MCPH1: variants seen among roughly 807,000 people sequenced by gnomAD.
MCPH1 encodes the protein microcephalin.
MCPH1 carries 104 observed loss-of-function variants against 84.5 expected under a neutral mutation model. That is an observed-to-expected ratio of 1.23 (90% CI 1.05 to 1.45). MCPH1 has a LOEUF of 1.45. Ranked by LOEUF, MCPH1 falls within the 40% of genes most tolerant of loss-of-function variation. The probability of loss-of-function intolerance (pLI) is 0.00; values close to 1 mark genes in which losing one functional copy is unlikely to be tolerated. For synonymous variants in MCPH1, 514 were observed against 366.8 expected (o/e 1.40, Z -4.58); for missense variants, 1,498 against 1,005.7 (o/e 1.49, Z -6.62).
In MCPH1 at chr8:6,605,946, C is replaced by G. The variant is rs113130527; in HGVS notation, c.2215-15508C>G. 8.8e-4 allele frequency among the ~76,000 whole-genome samples: 134 copies of G among 152,318 alleles called. 1 individual carries two copies. The highest frequency in any genetic ancestry group is 2.9e-3 in the African/African-American group (121 of 41,560). ...GCCTGACCTCAAGTGATCTACCCCC[C>G]TTGGCCCCCCAGAATGCTGGGATTA... On this transcript the variant is annotated intron_variant, in intron 12 of 13. Coordinates refer to ENST00000344683, the MANE Select transcript of MCPH1 (RefSeq NM_024596.5).
intron 12 of MCPH1, among the ~76,000 whole-genome samples, chr8:6,575,073 A>C (rs1826959250): frequency 6.6e-6 from 1 of 152,122 alleles, no homozygotes; most frequent in Admixed American, 6.5e-5. Flanking sequence ...GCAGAGAGGC[A>C]ATGCATGCAG....
chr8:6,518,129 C>T (rs991449811), intron 12 of MCPH1, among the ~76,000 whole-genome samples: 2 of 152,272 alleles, frequency 1.3e-5, no homozygotes, highest in South Asian at 2.1e-4. Context: ...TGCACTTAGA[C>T]TGAGAAACAT....
intron 8 of MCPH1, chr8:6,447,165 AC>A (rs1227378098): frequency 3.0e-6 from 3 of 985,206 alleles, no homozygotes; most frequent in Non-Finnish European, 3.6e-6. Flanking sequence ...CCTAAATCGA[AC>A]CCTTTTATAG....
Position 6,624,925 on chromosome 8 carries a change from G to C in MCPH1, c.2452+3234G>C, listed in dbSNP as rs1831906164. The C allele has an allele frequency of 8.8e-6, 8 of 908,598 alleles. No individual in the cohort carries two copies. In the South Asian group the frequency reaches 3.1e-4, roughly 35 times the overall value. 56.3% of individuals were successfully genotyped at this position (908,598 alleles called of 1,614,324 possible). A position where few individuals can be genotyped will look rare whatever the true frequency, so the allele number is the denominator to read the frequency against. ...AGTCTCGCTGTGTCACCAGGCTGGA[G>C]TGTGCAGTGATGAGATCTCAGCTCA... On this transcript the variant is annotated intron_variant, in intron 13 of 13. Coordinates refer to ENST00000344683, the MANE Select transcript of MCPH1 (RefSeq NM_024596.5).
At chr8:6,409,774 A>T (rs1798278446) in intron 2 of MCPH1, among the ~76,000 whole-genome samples, 1 of 152,156 alleles carries the variant, frequency 6.6e-6, no homozygotes, top group Non-Finnish European at 1.5e-5. Context: ...ATGATGATCT[A>T]GGGGGTCAGG....
chr8:6,523,229 C>G (rs1817701061), intron 12 of MCPH1, among the ~76,000 whole-genome samples: 1 of 152,120 alleles, frequency 6.6e-6, no homozygotes, highest in Admixed American at 6.5e-5. Flanking sequence ...GATCTCCTGA[C>G]CTCGTGATCC....
chr8:6,602,531 C>T (rs1026668064), intron 12 of MCPH1, among the ~76,000 whole-genome samples: 1 of 151,982 alleles, frequency 6.6e-6, no homozygotes, highest in African/African-American at 2.4e-5. Context: ...GGCTGAGTGG[C>T]GGCGGCTGGG....
At position 6,406,636 on chromosome 8, in the gene MCPH1, G is replaced by A. The variant is rs1308690159; in HGVS notation, c.-32G>A. 1.2e-6 allele frequency: 2 copies of A among 1,610,332 alleles called. No homozygotes were observed. Among genetic ancestry groups the A allele is most frequent in the African/African-American group, 1.3e-5 (1 of 75,004 alleles). On this transcript the variant is annotated 5_prime_UTR_variant, in exon 1 of 14. Transcript: ENST00000344683. ...GCGCCGCCAGGCTCGCAAGCACCGC[G>A]TAGGCCAGCTGGCCGGATCCCGCCG...
At chr8:6,514,580 T>C (rs1332425503) in intron 12 of MCPH1, 3 of 1,033,272 alleles carry the variant, frequency 2.9e-6, no homozygotes, top group Non-Finnish European at 3.0e-6. Flanking sequence ...TCAAAAGTCA[T>C]TGGTTAGTTT....
rs17076838 is a variant in MCPH1, at chr8:6,429,301, T to A, written c.234-2198T>A. Among the ~76,000 whole-genome samples, 23 of 152,300 alleles carry A rather than the reference T, an allele frequency of 1.5e-4. 1 individual carries two copies. In the East Asian group the frequency reaches 4.4e-3, roughly 29 times the overall value. On this transcript the variant is annotated intron_variant, in intron 3 of 13. Transcript: ENST00000344683. Reference sequence around the variant, plus strand: ...TCCACTTATGTGAACATGGACCCAGTGCCCCCATTGGACACAGGGTGGCAG... The same window carrying A: ...TCCACTTATGTGAACATGGACCCAGAGCCCCCATTGGACACAGGGTGGCAG...
intron 12 of MCPH1, among the ~76,000 whole-genome samples, chr8:6,509,829 C>A (rs1279515922): frequency 6.6e-6 from 1 of 152,198 alleles, no homozygotes; most frequent in African/African-American, 2.4e-5. Flanking sequence ...CACAGTCAGA[C>A]AGAGCCATTT....
intron 12 of MCPH1, among the ~76,000 whole-genome samples, chr8:6,547,537 C>T (rs1454722506): frequency 6.6e-6 from 1 of 152,204 alleles, no homozygotes; most frequent in Non-Finnish European, 1.5e-5. Context: ...AGAGATGTTT[C>T]TCTGTTTATC....
chr8:6,592,289 C>G (rs1828520723), intron 12 of MCPH1, among the ~76,000 whole-genome samples: 1 of 151,928 alleles, frequency 6.6e-6, no homozygotes, highest in African/African-American at 2.4e-5. Flanking sequence ...GTAGCTGGGA[C>G]TACACGTGCG....
At chr8:6,570,881 C>A (rs2442551) in intron 12 of MCPH1, among the ~76,000 whole-genome samples, 124,860 of 149,128 alleles carry the variant, frequency 0.84, 53,751 homozygotes, top group Non-Finnish European at 0.93. Flanking sequence ...GCAAACCAGC[C>A]TAACATCTGC....
At position 6,609,841 on chromosome 8, in the gene MCPH1, G is replaced by T. The variant is rs550206638; in HGVS notation, c.2215-11613G>T. Reference sequence around the variant, plus strand: ...CCCGCCCCCCCCCCACACACAGACTGCCAGGTAAACCACAGAGGGTGAGGG... The same window carrying T: ...CCCGCCCCCCCCCCACACACAGACTTCCAGGTAAACCACAGAGGGTGAGGG... On this transcript the variant is annotated intron_variant, in intron 12 of 13. Transcript: ENST00000344683. 1.4e-4 allele frequency among the ~76,000 whole-genome samples: 15 copies of T among 110,642 alleles called. No homozygotes were observed. In the East Asian group the frequency reaches 4.1e-3, roughly 30 times the overall value. 72.6% of individuals were successfully genotyped at this position (110,642 alleles called of 152,430 possible).
At chr8:6,527,873 CT>C in intron 12 of MCPH1, among the ~76,000 whole-genome samples, 1 of 146,048 alleles carries the variant, frequency 6.8e-6, no homozygotes, top group East Asian at 2.0e-4. Flanking sequence ...TGTGTTAAAC[CT>C]TTTTACTCTT....
chr8:6,485,972 C>T (rs1442931512), intron 11 of MCPH1, among the ~76,000 whole-genome samples: 1 of 152,168 alleles, frequency 6.6e-6, no homozygotes, highest in Admixed American at 6.5e-5. Flanking sequence ...TTTCTCTGTT[C>T]ATCTCAGTCT....
chr8:6,565,410 G>A (rs56076232), intron 12 of MCPH1, among the ~76,000 whole-genome samples: 9,657 of 152,196 alleles, frequency 0.063, 365 homozygotes, highest in East Asian at 0.12. Context: ...TATCACATAT[G>A]TGGTTTTACC....
chr8:6,569,628 G>T (rs932646429), intron 12 of MCPH1, among the ~76,000 whole-genome samples: 3 of 152,234 alleles, frequency 2.0e-5, no homozygotes, highest in South Asian at 2.1e-4. Context: ...TCAAGGCTCC[G>T]TGAAGAGAGA....
Sources: allele counts gnomAD v4.1 joint callset (sites outside exome capture counted in the v4.1 genomes callset), GRCh38; gene constraint gnomAD v4.1.1; transcripts MANE v1.5; gene names NCBI Gene and HGNC (gene_info 2026-07-23, HGNC 2026-07-21).